LMBR1: variants seen among roughly 807,000 people sequenced by gnomAD.
LMBR1 encodes limb region 1 protein homolog.
In LMBR1, 52 loss-of-function variants were observed where a neutral mutation model predicts 73.9. That is an observed-to-expected ratio of 0.70 (90% CI 0.56 to 0.89). The LOEUF is 0.89. Ranked by LOEUF, LMBR1 falls within the 40% of genes least tolerant of loss-of-function variation. LMBR1 has a pLI of 0.00. For synonymous variants in LMBR1, 215 were observed against 209.4 expected (o/e 1.03, Z -0.23); for missense variants, 539 against 579.8 (o/e 0.93, Z 0.72).
chr7:156,787,443 C>T (rs775216752), intron 5 of LMBR1, among the ~76,000 whole-genome samples: 2 of 151,860 alleles, frequency 1.3e-5, no homozygotes, highest in East Asian at 1.9e-4. Flanking sequence ...ATAGGATGTG[C>T]TGTTTAACTT....
intron 1 of LMBR1, among the ~76,000 whole-genome samples, chr7:156,866,239 A>G (rs949851091): frequency 6.6e-6 from 1 of 152,142 alleles, no homozygotes; most frequent in Admixed American, 6.5e-5. Context: ...AACTCTCCAA[A>G]AGAAAATTTT....
At chr7:156,696,205 A>G (rs1231208888) in intron 15 of LMBR1, among the ~76,000 whole-genome samples, 2 of 152,244 alleles carry the variant, frequency 1.3e-5, no homozygotes, top group Admixed American at 6.5e-5. Context: ...AGAAAATTTA[A>G]TAAATTTGAC....
chr7:156,676,194 G>A (rs1803961281), downstream of LMBR1: 1 of 1,360,788 alleles, frequency 7.3e-7, no homozygotes, highest in South Asian at 1.4e-5. Context: ...TATCACAGGT[G>A]GGTTACTAAC....
At chr7:156,676,742 T>C, downstream of LMBR1, 1 of 911,996 alleles carries the variant, frequency 1.1e-6, no homozygotes, top group Non-Finnish European at 1.7e-6. Context: ...GGTTAAGTAC[T>C]ACAATGTAAT....
chr7:156,868,286 C>T (rs1318606827), intron 1 of LMBR1, among the ~76,000 whole-genome samples: 2 of 151,562 alleles, frequency 1.3e-5, no homozygotes, highest in African/African-American at 2.4e-5. Context: ...CTCCACCTCC[C>T]GGGTTCAAGT....
At chr7:156,833,643 A>T (rs899393558) in intron 3 of LMBR1, 110 bp downstream of exon 3, 1 of 741,852 alleles carries the variant, frequency 1.3e-6, no homozygotes, top group Non-Finnish European at 2.3e-6. Context: ...AAGCTATTGT[A>T]ATGTGCTGGG....
intron 1 of LMBR1, among the ~76,000 whole-genome samples, chr7:156,852,574 A>G (rs939407078): frequency 2.6e-5 from 4 of 152,206 alleles, no homozygotes; most frequent in African/African-American, 9.6e-5. Flanking sequence ...GTTTTACGTT[A>G]TTTGGAAAAG....
chr7:156,767,000 G>GTAGCCAC (rs1278013234), intron 5 of LMBR1, among the ~76,000 whole-genome samples: 2 of 152,212 alleles, frequency 1.3e-5, no homozygotes, highest in African/African-American at 4.8e-5. Flanking sequence ...TGAGCCATGA[G>GTAGCCAC]TAGCCACTAG....
intron 5 of LMBR1, among the ~76,000 whole-genome samples, chr7:156,795,214 T>A (rs964231447): frequency 1.3e-5 from 2 of 152,232 alleles, no homozygotes; most frequent in Non-Finnish European, 2.9e-5. Context: ...ACTTCCCCTG[T>A]GAAGCCTGCT....
In LMBR1 at chr7:156,685,407, C is replaced by T. The variant is rs536136426; in HGVS notation, c.1388-1244G>A. ...GAAATGCGCTGTCGAGCGATTCTGT[C>T]GCTGTGATGCCATCATAGAGTGTAT... is the stretch of plus-strand genomic sequence containing the variant. On this transcript the variant is annotated intron_variant, in intron 16 of 16. Coordinates refer to ENST00000353442, the MANE Select transcript of LMBR1 (RefSeq NM_022458.4). The surrounding 1 kb of genome is among the most constrained non-coding windows in gnomAD (Gnocchi z 4.1). 1.6e-3 allele frequency among the ~76,000 whole-genome samples: 241 copies of T among 152,322 alleles called. No homozygotes were observed. Among genetic ancestry groups the T allele is most frequent in the Admixed American group, 3.9e-3 (60 of 15,294 alleles).
chr7:156,762,515 AG>A (rs1823246994), intron 7 of LMBR1, among the ~76,000 whole-genome samples: 1 of 152,266 alleles, frequency 6.6e-6, no homozygotes, highest in East Asian at 1.9e-4. Flanking sequence ...AAGAAAAATT[AG>A]CAAAGAACAG....
chr7:156,818,653 G>T (rs775600232), intron 4 of LMBR1, among the ~76,000 whole-genome samples: 1 of 152,012 alleles, frequency 6.6e-6, no homozygotes, highest in Non-Finnish European at 1.5e-5. Flanking sequence ...ATTTGCAATG[G>T]TGTGCAACCA....
chr7:156,760,422 T>C (rs1001061492), intron 8 of LMBR1, among the ~76,000 whole-genome samples: 1 of 152,196 alleles, frequency 6.6e-6, no homozygotes, highest in Non-Finnish European at 1.5e-5. Context: ...CTCATTAGAA[T>C]TAGGCATTTA....
chr7:156,674,590 G>A (rs1446394021), downstream of LMBR1, among the ~76,000 whole-genome samples: 4 of 152,180 alleles, frequency 2.6e-5, no homozygotes, highest in Admixed American at 1.3e-4. Flanking sequence ...AGTGTAGGAT[G>A]GCTTGAGCCC....
At chr7:156,746,097 G>T (rs1819805660) in intron 9 of LMBR1, among the ~76,000 whole-genome samples, 1 of 152,156 alleles carries the variant, frequency 6.6e-6, no homozygotes, top group African/African-American at 2.4e-5. Context: ...GCACAGCTCT[G>T]TAAGGTTTTC....
intron 1 of LMBR1, among the ~76,000 whole-genome samples, chr7:156,877,901 C>T (rs566952861): frequency 7.1e-4 from 107 of 149,816 alleles, no homozygotes; most frequent in African/African-American, 2.3e-3. Context: ...AAAAAAAATA[C>T]GCAAGTCAAT....
chr7:156,829,820 G>GTGCCGATCTCTACCTC (rs1479419292), intron 3 of LMBR1, among the ~76,000 whole-genome samples: 1 of 152,120 alleles, frequency 6.6e-6, no homozygotes, highest in African/African-American at 2.4e-5. Flanking sequence ...CTGCTCATCT[G>GTGCCGATCTCTACCTC]TGCCGATCTC....
chr7:156,714,976 G>C (rs1418227269), intron 15 of LMBR1, among the ~76,000 whole-genome samples: 1 of 146,566 alleles, frequency 6.8e-6, no homozygotes, highest in Non-Finnish European at 1.5e-5. Flanking sequence ...TTTTGAGACA[G>C]AGTCTCGCTC....
chr7:156,872,312 G>C (rs1341021408), intron 1 of LMBR1: 1 of 152,050 alleles, frequency 6.6e-6, no homozygotes, highest in Non-Finnish European at 1.5e-5. Flanking sequence ...AAGGAAATTA[G>C]TAAAACAATC....
Sources: allele counts gnomAD v4.1 joint callset (sites outside exome capture counted in the v4.1 genomes callset), GRCh38; gene constraint gnomAD v4.1.1; non-coding constraint Gnocchi (gnomAD v3.1); transcripts MANE v1.5; gene names NCBI Gene and HGNC (gene_info 2026-07-23, HGNC 2026-07-21).